The following LRBA variants were observed in gnomAD, a reference collection of about 807,000 sequenced individuals.
LRBA encodes lipopolysaccharide-responsive and beige-like anchor protein.
In LRBA, 176 loss-of-function variants were observed where a neutral mutation model predicts 330.0. That is an observed-to-expected ratio of 0.53 (90% confidence interval 0.47 to 0.60). The LOEUF (loss-of-function observed/expected upper bound fraction) is 0.60. LRBA is among the 20% of genes least tolerant of loss of function. LRBA has a pLI of 0.00. For synonymous variants in LRBA, 1,230 were observed against 1,193.0 expected, an observed-to-expected ratio of 1.03 and a Z score of -0.64; for missense variants, 3,259 against 3,444.8, an observed-to-expected ratio of 0.95 and a Z score of 1.35.
intron 38 of LRBA, chr4:150,597,170 TC>T: frequency 1.1e-6 from 1 of 870,926 alleles, no homozygotes; most frequent in South Asian, 1.8e-5. Flanking sequence ...TCGAGAGTAA[TC>T]AGAGTGAAAT....
chr4:151,005,938 A>G (rs1744025941), intron 2 of LRBA, among the ~76,000 whole-genome samples: 1 of 152,162 alleles, frequency 6.6e-6, no homozygotes, highest in Admixed American at 6.6e-5. Context: ...AGACTAAAGT[A>G]ATTCAAAATT....
At chr4:150,977,810 T>C (rs1392591666) in intron 2 of LRBA, among the ~76,000 whole-genome samples, 6 of 152,204 alleles carry the variant, frequency 3.9e-5, no homozygotes, top group Non-Finnish European at 8.8e-5. Context: ...GAGATGCTCC[T>C]CTACCTATGT....
At chr4:150,336,638 G>T (rs1734788599) in intron 48 of LRBA, among the ~76,000 whole-genome samples, 1 of 152,158 alleles carries the variant, frequency 6.6e-6, no homozygotes, top group South Asian at 2.1e-4. Flanking sequence ...TATTATGGAA[G>T]TTACTAATGT....
rs1169832088 is a variant in LRBA, at chr4:150,302,784, T to A, written c.7858A>T (p.Ile2620Phe). Residue 2620 changes from isoleucine (I) to phenylalanine (F), a missense_variant, in exon 53 of 57, where the codon ATC becomes TTC. Transcript: ENST00000651943. ...TCCCAATGGCCAAACACCACTTGGA[T>A]CAATCTTCCTGTAATGCAAAACAAT... Reference protein sequence around the residue: ...RVYSTDTGRLIQVVFGHWDVV... With the variant: ...RVYSTDTGRLFQVVFGHWDVV... The A allele has an allele frequency of 1.3e-6, 2 of 1,592,908 alleles. No individual in the cohort carries two copies. Among genetic ancestry groups the A allele is most frequent in the Non-Finnish European group, 1.7e-6 (2 of 1,169,942 alleles).
At position 150,599,053 on chromosome 4, in the gene LRBA, T is replaced by C. The variant is rs1439200640; in HGVS notation, c.6000A>G (p.Leu2000=). 2 of 1,614,000 alleles carry C rather than the reference T, an allele frequency of 1.2e-6. No homozygotes were observed. Among genetic ancestry groups the C allele is most frequent in the Admixed American group, 1.7e-5 (1 of 60,012 alleles). ...GTGTCGCTTCAGGATGTGTCGATCC[T>C]AGAGGGTTACGCACAAATCGTCGCC... ...RRRRRFVRNP[L]GSTHPEATLK... The change falls in exon 38 of 57, where the codon CTA becomes CTG. Residue 2000 remains leucine (L), a synonymous_variant. Transcript: ENST00000651943.
intron 40 of LRBA, among the ~76,000 whole-genome samples, chr4:150,551,253 T>G (rs1766549664): frequency 6.6e-6 from 1 of 152,216 alleles, no homozygotes; most frequent in Non-Finnish European, 1.5e-5. Context: ...CTATTCTTTA[T>G]AAATTACTAG....
At chr4:150,764,115 C>T (rs1366805534) in intron 34 of LRBA, among the ~76,000 whole-genome samples, 1 of 151,708 alleles carries the variant, frequency 6.6e-6, no homozygotes, top group Admixed American at 6.6e-5. Flanking sequence ...AAAATAGAAA[C>T]TTAGTTAAAG....
At chr4:150,507,455 C>T (rs975681111) in intron 40 of LRBA, among the ~76,000 whole-genome samples, 3 of 151,732 alleles carry the variant, frequency 2.0e-5, no homozygotes, top group Non-Finnish European at 4.4e-5. Context: ...TTTGACAAAC[C>T]TGAGAAAAAC....
rs1044479558 is a variant in LRBA, at chr4:150,863,044, T to C, written c.2766+4627A>G. 6.6e-5 allele frequency among the ~76,000 whole-genome samples: 10 copies of C among 151,932 alleles called. 1 individual carries two copies. Among genetic ancestry groups the C allele is most frequent in the African/African-American group, 1.7e-4 (7 of 41,352 alleles). On this transcript the variant is annotated intron_variant, in intron 22 of 56. Transcript: ENST00000651943. ...CCGGGTGTGTGGCTCATGCTTATAA[T>C]CCCAGCACTTTCAGAGGCCCAGGCG...
intron 30 of LRBA, among the ~76,000 whole-genome samples, chr4:150,823,441 C>G (rs1414511898): frequency 1.3e-5 from 2 of 152,060 alleles, no homozygotes; most frequent in African/African-American, 4.8e-5. Flanking sequence ...ATTGTTTTCT[C>G]TGCTATGCAT....
chr4:150,551,990 T>C (rs1170931768), intron 40 of LRBA, among the ~76,000 whole-genome samples: 1 of 152,090 alleles, frequency 6.6e-6, no homozygotes, highest in African/African-American at 2.4e-5. Flanking sequence ...AGGATGAAAC[T>C]CTTCCGACTC....
chr4:150,895,281 T>C (rs1230632338), intron 16 of LRBA, among the ~76,000 whole-genome samples: 1 of 152,152 alleles, frequency 6.6e-6, no homozygotes, highest in Non-Finnish European at 1.5e-5. Context: ...TTAATTTTCT[T>C]TTTATTTTTT....
chr4:150,819,921 T>C (rs761523900), intron 30 of LRBA, among the ~76,000 whole-genome samples: 1 of 152,116 alleles, frequency 6.6e-6, no homozygotes, highest in Non-Finnish European at 1.5e-5. Flanking sequence ...TACATGAATT[T>C]ACATTTTACA....
At chr4:150,645,432 A>G (rs1323045875) in intron 37 of LRBA, among the ~76,000 whole-genome samples, 1 of 151,972 alleles carries the variant, frequency 6.6e-6, no homozygotes, top group Non-Finnish European at 1.5e-5. Context: ...CTGTGCTATT[A>G]AAAGTTAAAA....
chr4:150,795,089 GGGA>G (rs1182274685), intron 34 of LRBA, among the ~76,000 whole-genome samples: 1 of 152,108 alleles, frequency 6.6e-6, no homozygotes, highest in Non-Finnish European at 1.5e-5. Flanking sequence ...AACCCAAGAA[GGGA>G]GGTAGTGTTA....
At chr4:150,684,147 G>A (rs1485306109) in intron 36 of LRBA, among the ~76,000 whole-genome samples, 1 of 152,148 alleles carries the variant, frequency 6.6e-6, no homozygotes, top group African/African-American at 2.4e-5. Context: ...CAAATGTAAT[G>A]GAATCCCAGA....
In LRBA at chr4:150,487,827, C is replaced by A; in HGVS notation, c.6456G>T (p.Val2152=). ...LEIFMANRVA[V]MFNFPDPATV... ...TTGCAGGGTCTGGGAAGTTGAACAT[C>A]ACAGCAACTACAACAGATGATTTTT... The change falls in exon 42 of 57, where the codon GTG becomes GTT. Residue 2152 remains valine, a synonymous_variant. Coordinates refer to ENST00000651943, the MANE Select transcript of LRBA (RefSeq NM_001364905.1). The A allele has an allele frequency of 6.4e-7, 1 of 1,569,234 alleles. No individual in the cohort carries two copies.
At chr4:150,471,065 A>G (rs569492532) in intron 43 of LRBA, among the ~76,000 whole-genome samples, 4 of 152,232 alleles carry the variant, frequency 2.6e-5, no homozygotes, top group South Asian at 4.2e-4. Context: ...CGTTCTTCGC[A>G]TTTCTAACAT....
At chr4:150,954,964 T>C (rs1389441802) in intron 2 of LRBA, among the ~76,000 whole-genome samples, 11 of 148,344 alleles carry the variant, frequency 7.4e-5, no homozygotes, top group Non-Finnish European at 1.6e-4. Context: ...AAATAGCCTA[T>C]ATAAAAGAAT....
Sources: allele counts gnomAD v4.1 joint callset (sites outside exome capture counted in the v4.1 genomes callset), GRCh38; gene constraint gnomAD v4.1.1; transcripts MANE v1.5; gene names NCBI Gene and HGNC (gene_info 2026-07-23, HGNC 2026-07-21).